The following SFRP4 variants were observed in gnomAD, a reference collection of about 807,000 sequenced individuals.
SFRP4 encodes the protein secreted frizzled related protein 4.
A neutral mutation model predicts 36.3 loss-of-function variants in SFRP4; 25 were observed. The ratio of observed to expected loss-of-function variants is 0.69; its 90% confidence interval spans 0.50 to 0.96. The LOEUF is 0.96. SFRP4 is among the 40% of genes least tolerant of loss of function. The pLI is 0.00. For synonymous variants in SFRP4, 182 were observed against 168.8 expected, an observed-to-expected ratio of 1.08 and a Z score of -0.60; for missense variants, 487 against 459.6, an observed-to-expected ratio of 1.06 and a Z score of -0.54.
intron 4 of SFRP4, 187 bp from the exon 5 acceptor site, chr7:37,909,867 T>C: frequency 2.4e-6 from 1 of 408,886 alleles, no homozygotes; most frequent in Non-Finnish European, 4.4e-6. Context: ...TAGATCACAT[T>C]GTGTATTGAG....
intron 3 of SFRP4, among the ~76,000 whole-genome samples, chr7:37,913,741 T>G (rs891389840): frequency 6.6e-6 from 1 of 152,222 alleles, no homozygotes; most frequent in African/African-American, 2.4e-5. Flanking sequence ...TTTAAGATGT[T>G]AAATATTTGT....
Position 37,916,538 on chromosome 7 carries a change from G to A in SFRP4, c.-1C>T. 2 of 1,602,232 alleles carry A rather than the reference G, an allele frequency of 1.2e-6. No individual in the cohort carries two copies. Among genetic ancestry groups the A allele is most frequent in the South Asian group, 1.1e-5 (1 of 90,934 alleles). The stretch of plus-strand genomic sequence containing the variant: ...GCGCCACTAGGATGGAGAGGAACAT[G>A]GCACTGCCCTCTCGCGCTGCGACCC... On this transcript the variant is annotated 5_prime_UTR_variant, in exon 1 of 6. Coordinates refer to ENST00000436072, the MANE Select transcript of SFRP4 (RefSeq NM_003014.4). The surrounding 1 kb of genome is among the most constrained non-coding windows in gnomAD (Gnocchi z 4.1).
At position 37,912,337 on chromosome 7, in the gene SFRP4, A is replaced by T; in HGVS notation, c.593-20T>A. On this transcript the variant is annotated intron_variant, in intron 3 of 5. Transcript: ENST00000436072. ...GAATAACTGCAATTTAAAAATAGAT[A>T]AAAGTGTTGTTGAAGGTTTTGGGGA... The T allele has an allele frequency of 6.2e-7, 1 of 1,604,220 alleles. No homozygotes were observed. The highest frequency in any genetic ancestry group is 8.5e-7 in the Non-Finnish European group (1 of 1,171,272).
In SFRP4 at chr7:37,906,840, G is replaced by A. The variant is rs1008402397; in HGVS notation, c.*639C>T. 2 of 151,886 alleles carry A rather than the reference G, an allele frequency of 1.3e-5. No individual in the cohort carries two copies. The highest frequency in any genetic ancestry group is 2.9e-5 in the Non-Finnish European group (2 of 67,976). The allele number at this position is 151,886 out of a possible 1,614,324, so 9.4% of individuals were successfully genotyped here. A position where few individuals can be genotyped will look rare whatever the true frequency, so the allele number is the denominator to read the frequency against. ...TTTATTTTTCTTTATTATTATTTTT[G>A]TTTTTAGAGTTTCTAGCTAAAAACA... On this transcript the variant is annotated 3_prime_UTR_variant, in exon 6 of 6. Transcript: ENST00000436072.
intron 3 of SFRP4, 117 bp from the exon 4 acceptor site, chr7:37,912,434 T>A: frequency 1.2e-6 from 1 of 801,488 alleles, no homozygotes; most frequent in Non-Finnish European, 2.0e-6. Context: ...ATTATGGTTA[T>A]GTCCAAGTGG....
In SFRP4 at chr7:37,916,278, A is replaced by G; in HGVS notation, c.260T>C (p.Leu87Pro). 6.2e-7 allele frequency: 1 copy of G among 1,614,160 alleles called. No homozygotes were observed. Among genetic ancestry groups the G allele is most frequent in the South Asian group, 1.1e-5 (1 of 91,082 alleles). ...LCAMYAPICT[L>P]EFLHDPIKPC... is the part of the protein sequence containing the mutation. ...CTTGATAGGGTCGTGCAGGAACTCC[A>G]GGGTGCAAATGGGCGCGTACATGGC... The change falls in exon 1 of 6, where the codon CTG becomes CCG. Residue 87 changes from leucine to proline, a missense_variant. Physicochemically the swap from Leu to Pro is moderately conservative, Grantham distance 98. Transcript: ENST00000436072. The surrounding 1 kb of genome is among the most constrained non-coding windows in gnomAD (Gnocchi z 4.1).
rs1404319889 is a variant in SFRP4 at position 37,906,609 on chromosome 7, C to T, written c.*870G>A. On this transcript the variant is annotated 3_prime_UTR_variant, in exon 6 of 6. Transcript: ENST00000436072. ...GTCAAATTATTCTCAGGGTGGATGT[C>T]CTGGGAAGTAAGATGAGTGACATAC... 1 of 152,100 alleles carries T rather than the reference C, an allele frequency of 6.6e-6. No individual in the cohort carries two copies. The highest frequency in any genetic ancestry group is 1.5e-5 in the Non-Finnish European group (1 of 68,014). 9.4% of individuals were successfully genotyped at this position (152,100 alleles called of 1,614,324 possible). A position where few individuals can be genotyped will look rare whatever the true frequency, so the allele number is the denominator to read the frequency against.
intron 1 of SFRP4, among the ~76,000 whole-genome samples, chr7:37,915,048 T>C (rs1416106549): frequency 6.6e-6 from 1 of 152,200 alleles, no homozygotes; most frequent in Non-Finnish European, 1.5e-5. Flanking sequence ...ACAACCAAAC[T>C]GGATAAATCA....
chr7:37,909,009 A>T (rs528009035), intron 5 of SFRP4, among the ~76,000 whole-genome samples: 1 of 152,212 alleles, frequency 6.6e-6, no homozygotes, highest in East Asian at 1.9e-4. Flanking sequence ...AGGATGCTTT[A>T]AAAATTTAAA....
In SFRP4 at chr7:37,916,421, G is replaced by T; in HGVS notation, c.117C>A (p.Ile39=). 6.2e-7 allele frequency: 1 copy of T among 1,614,100 alleles called. No individual in the cohort carries two copies. Among genetic ancestry groups the T allele is most frequent in the Non-Finnish European group, 8.5e-7 (1 of 1,179,972 alleles). Residue 39 remains isoleucine (I), a synonymous_variant, in exon 1 of 6, where the codon ATC becomes ATA. Transcript: ENST00000436072. The surrounding 1 kb of genome is among the most constrained non-coding windows in gnomAD (Gnocchi z 4.1). ...IPMCRHMPWN[I]TRMPNHLHHS... is the part of the protein sequence containing the mutation. ...GGTGCAGGTGGTTGGGCATCCGCGT[G>T]ATGTTCCAGGGCATGTGCCGGCACA...
intron 1 of SFRP4, among the ~76,000 whole-genome samples, chr7:37,915,178 T>C (rs1367044958): frequency 3.3e-5 from 5 of 152,204 alleles, no homozygotes; most frequent in Non-Finnish European, 5.9e-5. Flanking sequence ...CAGAAACAGT[T>C]CACAGGTATA....
In SFRP4 at chr7:37,907,489, T is replaced by C. The variant is rs1020154016; in HGVS notation, c.1031A>G (p.Lys344Arg). The C allele has an allele frequency of 2.5e-6, 4 of 1,612,832 alleles. No individual in the cohort carries two copies. The highest frequency in any genetic ancestry group is 2.2e-5 in the East Asian group (1 of 44,894). ...TRSAQKRTNP[K>R]RV ...TGGAAACTAGTTAGCTCACACTCTT[T>C]TCGGGTTTGTTCTCTTCTGGGCACT... Residue 344 changes from lysine (K) to arginine (R), a missense_variant, in exon 6 of 6, where the codon AAA becomes AGA. Transcript: ENST00000436072.
In SFRP4 at chr7:37,914,577, A is replaced by G. The variant is rs1006149858; in HGVS notation, c.446-124T>C. 9.1e-6 allele frequency: 7 copies of G among 771,310 alleles called. No homozygotes were observed. The African/African-American group carries it at 1.2e-4, about 13-fold the overall frequency. The allele number at this position is 771,310 out of a possible 1,614,324, so 47.8% of individuals were successfully genotyped here. On this transcript the variant is annotated intron_variant, in intron 1 of 5. Transcript: ENST00000436072. ...CTCAAAATAATAGTATTTAATGGTA[A>G]AAATGGGCCAGGCGAAGTGGCTCAC...
chr7:37,911,895 G>T (rs534991763), intron 4 of SFRP4, among the ~76,000 whole-genome samples: 1 of 100,222 alleles, frequency 1.0e-5, no homozygotes, highest in South Asian at 3.2e-4. Flanking sequence ...TTTTGAAACT[G>T]ATTTTTAAAG....
chr7:37,907,752 C>T, intron 5 of SFRP4, 88 bp from the exon 6 acceptor site: 1 of 899,466 alleles, frequency 1.1e-6, no homozygotes, highest in Non-Finnish European at 1.7e-6. Context: ...AAGTTTTTCA[C>T]TGTAATATAT....
chr7:37,913,770 G>A (rs1785531295), intron 3 of SFRP4, among the ~76,000 whole-genome samples: 1 of 152,178 alleles, frequency 6.6e-6, no homozygotes, highest in Non-Finnish European at 1.5e-5. Flanking sequence ...ACAAGTAAAA[G>A]GATATGCAGG....
In SFRP4 at chr7:37,916,166, GGCC is replaced by G. The variant is rs761034753; in HGVS notation, c.369_371del (p.Ala124del). On this transcript the variant is annotated inframe_deletion, in exon 1 of 6. Transcript: ENST00000436072. The surrounding 1 kb of genome is among the most constrained non-coding windows in gnomAD (Gnocchi z 4.1). ...GGTCATAGACAGGCAGCTCGTCGCA[GGCC>G]AGGCTTTCGGGCCAGCTGTGGTTGT... is the stretch of plus-strand genomic sequence containing the variant. The G allele has an allele frequency of 6.2e-7, 1 of 1,614,138 alleles. No homozygotes were observed. The highest frequency in any genetic ancestry group is 1.1e-5 in the South Asian group (1 of 91,082).
chr7:37,909,699 A>G lies in SFRP4; in HGVS notation c.792-19T>C, dbSNP rs1181226602. On this transcript the variant is annotated intron_variant, in intron 4 of 5. Coordinates refer to ENST00000436072, the MANE Select transcript of SFRP4 (RefSeq NM_003014.4). ...CATCATCCTGAAAAAAAATTATCTT[A>G]GTAAACAGATTTTTATTACAAAAGT... 6.9e-7 allele frequency: 1 copy of G among 1,451,654 alleles called. No homozygotes were observed. Among genetic ancestry groups the G allele is most frequent in the East Asian group, 2.3e-5 (1 of 43,010 alleles). 89.9% of individuals were successfully genotyped at this position (1,451,654 alleles called of 1,614,324 possible).
chr7:37,910,641 A>C (rs1025460250), intron 4 of SFRP4, among the ~76,000 whole-genome samples: 10 of 152,060 alleles, frequency 6.6e-5, no homozygotes, highest in Admixed American at 3.9e-4. Flanking sequence ...AGTTCTTAGA[A>C]TATTTATCTA....
Sources: gnomAD v4.1 joint callset for allele counts (sites outside exome capture counted in the v4.1 genomes callset) on GRCh38, gnomAD v4.1.1 for gene constraint, Gnocchi (gnomAD v3.1) non-coding constraint, MANE v1.5 for transcripts, NCBI Gene and HGNC (gene_info 2026-07-23, HGNC 2026-07-21) for gene names.